CDC27: variants seen among roughly 807,000 people sequenced by gnomAD.
CDC27 encodes cell division cycle 27, also known as cell division cycle protein 27 homolog.
In CDC27, 27 loss-of-function variants were observed where a neutral mutation model predicts 109.7. The observed-to-expected ratio is 0.25, with a 90% CI of 0.18 to 0.34. The LOEUF is 0.34. Ranked by LOEUF, CDC27 falls within the 10% of genes least tolerant of loss-of-function variation. The probability of loss-of-function intolerance (pLI) is 1.00; values close to 1 mark genes in which losing one functional copy is unlikely to be tolerated. For synonymous variants in CDC27, 266 were observed against 333.9 expected (o/e 0.80, Z 2.22); for missense variants, 579 against 960.2 (o/e 0.60, Z 5.25).
At position 47,132,296 on chromosome 17, in the gene CDC27, G is replaced by T; in HGVS notation, c.1992C>A (p.Ile664=). ...AAAGTAAAACTGAACTTTGAGGGTT[G>T]ATATCAAGCGCTTTTTGGAAATGCA... ...AEMHFQKALD[I]NPQSSVLLCH... is the part of the protein sequence containing the mutation. Residue 664 remains isoleucine (I), a synonymous_variant, in exon 15 of 19, where the codon ATC becomes ATA. Coordinates refer to ENST00000066544, the MANE Select transcript of CDC27 (RefSeq NM_001256.6). The T allele has an allele frequency of 6.2e-7, 1 of 1,602,086 alleles. No homozygotes were observed. The highest frequency in any genetic ancestry group is 8.5e-7 in the Non-Finnish European group (1 of 1,172,470).
chr17:47,147,547 T>TA (rs1209339422), intron 9 of CDC27, among the ~76,000 whole-genome samples: 1 of 150,328 alleles, frequency 6.7e-6, no homozygotes, highest in East Asian at 2.0e-4. Context: ...GCAAAAACAT[T>TA]AAAAAAATAC....
chr17:47,161,388 T>C (rs1422760119), intron 4 of CDC27, among the ~76,000 whole-genome samples: 1 of 152,068 alleles, frequency 6.6e-6, no homozygotes, highest in East Asian at 1.9e-4. Context: ...CAAAAAAACA[T>C]TTGCTGAAAG....
At chr17:47,153,222 T>C (rs149076670) in intron 8 of CDC27, among the ~76,000 whole-genome samples, 3 of 152,348 alleles carry the variant, frequency 2.0e-5, no homozygotes, top group African/African-American at 7.2e-5. Context: ...TCTGGGAATG[T>C]CTTGTAATAA....
chr17:47,161,364 G>T (rs989891539), intron 4 of CDC27, among the ~76,000 whole-genome samples: 1 of 152,144 alleles, frequency 6.6e-6, no homozygotes, highest in Admixed American at 6.5e-5. Flanking sequence ...AATAGGAAAT[G>T]AAGAAAGGGC....
In CDC27 at chr17:47,119,271, A is replaced by G. The variant is rs1444889477; in HGVS notation, c.*1664T>C. 6.6e-6 allele frequency: 1 copy of G among 152,190 alleles called. No homozygotes were observed. Among genetic ancestry groups the G allele is most frequent in the Non-Finnish European group, 1.5e-5 (1 of 68,028 alleles). The allele number at this position is 152,190 out of a possible 1,614,324, so 9.4% of individuals were successfully genotyped here. On this transcript the variant is annotated 3_prime_UTR_variant, in exon 19 of 19. Transcript: ENST00000066544. Reference sequence around the variant, plus strand: ...AAAAGTATTGTTTTAGACAGTACATATACATAAATTTAGGTAGGGAAATCT... The same window carrying G: ...AAAAGTATTGTTTTAGACAGTACATGTACATAAATTTAGGTAGGGAAATCT...
chr17:47,161,136 G>C (rs1288423547), intron 4 of CDC27: 1 of 146,234 alleles, frequency 6.8e-6, no homozygotes, highest in Non-Finnish European at 1.5e-5. Flanking sequence ...TGATTCTCCT[G>C]CCTCAGCCTC....
chr17:47,122,402 G>A, intron 18 of CDC27, 42 bp downstream of exon 18: 1 of 1,359,094 alleles, frequency 7.4e-7, no homozygotes, highest in Non-Finnish European at 1.0e-6. Flanking sequence ...TTATGCAAAA[G>A]GTAACTTTCT....
chr17:47,123,796 G>A, intron 17 of CDC27, 90 bp downstream of exon 17: 1 of 848,126 alleles, frequency 1.2e-6, no homozygotes, highest in Non-Finnish European at 1.8e-6. Context: ...TTGCTCAATA[G>A]ATATGTACAG....
intron 9 of CDC27, among the ~76,000 whole-genome samples, chr17:47,147,862 C>T (rs2063019772): frequency 6.8e-6 from 1 of 147,146 alleles, no homozygotes; most frequent in Non-Finnish European, 1.5e-5. Flanking sequence ...AGTAGCATCA[C>T]TGCACTCCAG....
chr17:47,132,736 A>G (rs1008944539), intron 14 of CDC27, among the ~76,000 whole-genome samples: 8 of 119,824 alleles, frequency 6.7e-5, no homozygotes, highest in African/African-American at 2.6e-4. Context: ...TAGCCATTAA[A>G]GCAGTTTATT....
chr17:47,132,707 A>G (rs987111523), intron 14 of CDC27, among the ~76,000 whole-genome samples: 1 of 149,574 alleles, frequency 6.7e-6, no homozygotes, highest in African/African-American at 2.4e-5. Flanking sequence ...CTGAGACTAC[A>G]GGCATGAACC....
chr17:47,148,368 T>C (rs953423816), intron 9 of CDC27, among the ~76,000 whole-genome samples: 24 of 152,018 alleles, frequency 1.6e-4, no homozygotes, highest in African/African-American at 5.3e-4. Context: ...CAATAAACAC[T>C]ATCCAAAATG....
intron 12 of CDC27, 43 bp from the exon 13 acceptor site, chr17:47,138,934 T>A (rs1257448768): frequency 7.7e-7 from 1 of 1,297,294 alleles, no homozygotes; most frequent in Non-Finnish European, 1.1e-6. Context: ...GTTGATACAA[T>A]TTATATATAT....
chr17:47,152,984 TC>T (rs1342725338), intron 8 of CDC27, among the ~76,000 whole-genome samples: 1 of 152,194 alleles, frequency 6.6e-6, no homozygotes, highest in East Asian at 1.9e-4. Flanking sequence ...CATTTTTTCC[TC>T]TATGACTAAC....
chr17:47,173,344 G>GATGT (rs1005224015), intron 2 of CDC27, among the ~76,000 whole-genome samples: 5 of 150,360 alleles, frequency 3.3e-5, no homozygotes, highest in African/African-American at 1.2e-4. Context: ...GTTTTAATGA[G>GATGT]ATGTATAGTA....
intron 4 of CDC27, among the ~76,000 whole-genome samples, chr17:47,169,645 C>CAAAA (rs373074410): frequency 3.3e-5 from 2 of 60,162 alleles, no homozygotes; most frequent in African/African-American, 5.3e-5. Context: ...AACTCCATCT[C>CAAAA]AAAAAAAAAA....
chr17:47,137,439 C>A (rs982622631), intron 13 of CDC27, 79 bp from the exon 14 acceptor site: 4 of 785,160 alleles, frequency 5.1e-6, no homozygotes, highest in Non-Finnish European at 7.5e-6. Context: ...TAAAATCAAG[C>A]CTCAACTTAG....
intron 4 of CDC27, among the ~76,000 whole-genome samples, chr17:47,163,436 C>T (rs2063553962): frequency 6.6e-6 from 1 of 152,136 alleles, no homozygotes; most frequent in African/African-American, 2.4e-5. Context: ...TGCTGTGGCT[C>T]ATGCCTGTAA....
At chr17:47,170,134 G>T (rs2063770866) in intron 3 of CDC27, 92 bp from the exon 4 acceptor site, 1 of 973,230 alleles carries the variant, frequency 1.0e-6, no homozygotes, top group Non-Finnish European at 1.4e-6. Flanking sequence ...ATCTAACTAT[G>T]GAGACACAAA....
Sources: gnomAD v4.1 joint callset for allele counts (sites outside exome capture counted in the v4.1 genomes callset) on GRCh38, gnomAD v4.1.1 for gene constraint, MANE v1.5 for transcripts, NCBI Gene and HGNC (gene_info 2026-07-23, HGNC 2026-07-21) for gene names.